Variants in DEUP1 observed in about 807,000 individuals in gnomAD.
DEUP1 encodes deuterosome assembly protein 1.
In DEUP1, 82 loss-of-function variants were observed where a neutral mutation model predicts 87.4. That is an observed-to-expected ratio of 0.94 (90% confidence interval 0.78 to 1.13). The LOEUF is 1.13. Among genes scored for constraint, DEUP1 ranks in the 50% most tolerant of loss-of-function variants. The pLI, the probability that DEUP1 is intolerant of heterozygous loss-of-function variation, is 0.00. For synonymous variants in DEUP1, 214 were observed against 222.7 expected, an observed-to-expected ratio of 0.96 and a Z score of 0.35; for missense variants, 663 against 681.5, an observed-to-expected ratio of 0.97 and a Z score of 0.30.
chr11:93,352,488 A>G (rs766784102), intron 2 of DEUP1: 2 of 671,344 alleles, frequency 3.0e-6, no homozygotes, highest in East Asian at 2.7e-5. Flanking sequence ...TTGAAACTCA[A>G]TAAACCCTCC....
At chr11:93,372,347 C>T (rs1193535742) in intron 7 of DEUP1, among the ~76,000 whole-genome samples, 1 of 152,138 alleles carries the variant, frequency 6.6e-6, no homozygotes, top group East Asian at 1.9e-4. Flanking sequence ...GACAGTTGGC[C>T]GATATCTTTT....
chr11:93,429,091 ATGGG>A, intron 13 of DEUP1, among the ~76,000 whole-genome samples: 1 of 152,172 alleles, frequency 6.6e-6, no homozygotes, highest in Non-Finnish European at 1.5e-5. Flanking sequence ...TTATTGATTT[ATGGG>A]TATCCTTTCT....
chr11:93,355,625 A>G, intron 3 of DEUP1, 83 bp downstream of exon 3: 1 of 1,253,210 alleles, frequency 8.0e-7, no homozygotes, highest in Non-Finnish European at 1.1e-6. Flanking sequence ...TTTATTATAC[A>G]TACTTTTTAT....
chr11:93,433,203 A>G (rs1948152645), intron 13 of DEUP1, among the ~76,000 whole-genome samples: 1 of 152,224 alleles, frequency 6.6e-6, no homozygotes, highest in African/African-American at 2.4e-5. Flanking sequence ...ACACTGGCCT[A>G]GAATCTGTGC....
intron 11 of DEUP1, among the ~76,000 whole-genome samples, chr11:93,403,848 G>C (rs1412126533): frequency 1.3e-5 from 2 of 151,886 alleles, no homozygotes; most frequent in East Asian, 1.9e-4. Context: ...TAATTGGAAT[G>C]CATAAATATA....
At position 93,434,340 on chromosome 11, in the gene DEUP1, T is replaced by A. The variant is rs544950866; in HGVS notation, c.1639-3203T>A. Among the ~76,000 whole-genome samples the A allele has an allele frequency of 2.0e-5, 3 of 152,318 alleles. No individual in the cohort carries two copies. In the East Asian group the frequency reaches 5.8e-4, roughly 29 times the overall value. On this transcript the variant is annotated intron_variant, in intron 13 of 13. Transcript: ENST00000298050. ...CAACTCTTCTGTTGATCCAGGTGGCTTTTCTTTTGGGGTGAGCCCCTAATG... is the reference window on the plus strand; with the variant it reads ...CAACTCTTCTGTTGATCCAGGTGGCATTTCTTTTGGGGTGAGCCCCTAATG...
At chr11:93,383,319 T>C (rs772288892) in intron 7 of DEUP1, 9 of 305,554 alleles carry the variant, frequency 2.9e-5, no homozygotes, top group Non-Finnish European at 4.8e-5. Context: ...TGCTACAACA[T>C]GGATGAACCT....
chr11:93,375,227 T>A (rs989682203), intron 7 of DEUP1, among the ~76,000 whole-genome samples: 1 of 152,310 alleles, frequency 6.6e-6, no homozygotes, highest in East Asian at 1.9e-4. Flanking sequence ...TATGATCATG[T>A]CATCAGTCAA....
chr11:93,419,884 T>A (rs1252905516), intron 13 of DEUP1, among the ~76,000 whole-genome samples: 2 of 146,612 alleles, frequency 1.4e-5, no homozygotes, highest in East Asian at 2.0e-4. Context: ...AAATAAAAAT[T>A]AAAAAAAAAA....
intron 13 of DEUP1, among the ~76,000 whole-genome samples, chr11:93,435,708 A>G (rs1486539761): frequency 2.0e-5 from 3 of 152,038 alleles, no homozygotes; most frequent in African/African-American, 4.8e-5. Context: ...TCACAAAATA[A>G]TTTTTTCACC....
At chr11:93,412,179 T>C (rs1947454364) in intron 12 of DEUP1, among the ~76,000 whole-genome samples, 1 of 152,164 alleles carries the variant, frequency 6.6e-6, no homozygotes, top group South Asian at 2.1e-4. Flanking sequence ...TGGATGTACA[T>C]GTCCAACAAA....
At chr11:93,382,507 T>C (rs935961960) in intron 7 of DEUP1, among the ~76,000 whole-genome samples, 1 of 152,236 alleles carries the variant, frequency 6.6e-6, no homozygotes. Flanking sequence ...CTTACAGATA[T>C]TATTTTCTAA....
chr11:93,404,277 TAATC>T (rs948667485), intron 11 of DEUP1, among the ~76,000 whole-genome samples: 3 of 152,072 alleles, frequency 2.0e-5, no homozygotes, highest in Non-Finnish European at 1.5e-5. Context: ...AGCTAACAAA[TAATC>T]AAGCTTATCG....
At chr11:93,429,742 C>T (rs11820548) in intron 13 of DEUP1, among the ~76,000 whole-genome samples, 11,316 of 152,138 alleles carry the variant, frequency 0.074, 1,341 homozygotes, top group African/African-American at 0.25. Flanking sequence ...CTAGTAGGCA[C>T]ATAAAAGACA....
chr11:93,400,781 GAATACC>G (rs1163683220), intron 11 of DEUP1, among the ~76,000 whole-genome samples: 1 of 152,012 alleles, frequency 6.6e-6, no homozygotes, highest in Admixed American at 6.6e-5. Context: ...TCCCCCCACA[GAATACC>G]AAAAACAAAT....
intron 11 of DEUP1, among the ~76,000 whole-genome samples, chr11:93,398,581 T>C (rs1413065714): frequency 6.6e-6 from 1 of 152,190 alleles, no homozygotes; most frequent in Non-Finnish European, 1.5e-5. Context: ...TAAAGTAATT[T>C]CTCAATAGCT....
At chr11:93,399,787 A>C (rs748912884) in intron 11 of DEUP1, among the ~76,000 whole-genome samples, 40 of 151,828 alleles carry the variant, frequency 2.6e-4, no homozygotes, top group Non-Finnish European at 5.7e-4. Flanking sequence ...AGATAGTCTT[A>C]TCTCTTTTCC....
intron 2 of DEUP1, among the ~76,000 whole-genome samples, chr11:93,347,914 G>A (rs575157551): frequency 2.0e-5 from 3 of 151,758 alleles, no homozygotes; most frequent in Non-Finnish European, 2.9e-5. Context: ...TAATTTTTTT[G>A]TATTTTTAGT....
chr11:93,427,545 C>T (rs1234162639), intron 13 of DEUP1, among the ~76,000 whole-genome samples: 1 of 151,524 alleles, frequency 6.6e-6, no homozygotes, highest in African/African-American at 2.4e-5. Context: ...TAGGCAATAC[C>T]ATTCAGGACA....
Sources: gnomAD v4.1 joint callset for allele counts (sites outside exome capture counted in the v4.1 genomes callset) on GRCh38, gnomAD v4.1.1 for gene constraint, MANE v1.5 for transcripts, NCBI Gene and HGNC (gene_info 2026-07-23, HGNC 2026-07-21) for gene names.